Variants in GNPTAB observed in about 807,000 individuals in gnomAD.
GNPTAB encodes the protein N-acetylglucosamine-1-phosphotransferase subunits alpha/beta.
Under a neutral mutation model 136.6 loss-of-function variants are expected in GNPTAB, and 92 were observed. The observed-to-expected ratio is 0.67, with a 90% CI of 0.57 to 0.80. The LOEUF (loss-of-function observed/expected upper bound fraction) is 0.80, where lower values mean the gene tolerates loss of function less well. Ranked by LOEUF, GNPTAB falls within the 30% of genes least tolerant of loss-of-function variation. GNPTAB has a pLI of 0.00. For missense variants in GNPTAB, 1,343 were observed against 1,501.8 expected, an observed-to-expected ratio of 0.89 and a Z score of 1.75; for synonymous variants, 512 against 535.1, an observed-to-expected ratio of 0.96 and a Z score of 0.60.
chr12:101,800,978 A>G (rs2137164165), intron 1 of GNPTAB, among the ~76,000 whole-genome samples: 1 of 152,192 alleles, frequency 6.6e-6, no homozygotes, highest in South Asian at 2.1e-4. Context: ...TGACGCCTGT[A>G]AAGCCAGCAC....
At chr12:101,789,630 G>A (rs1206664386) in intron 3 of GNPTAB, among the ~76,000 whole-genome samples, 2 of 152,172 alleles carry the variant, frequency 1.3e-5, no homozygotes, top group African/African-American at 2.4e-5. Context: ...GATTGCAGGC[G>A]TGCACCATCA....
chr12:101,776,141 G>T (rs1177282271), intron 7 of GNPTAB, among the ~76,000 whole-genome samples: 1 of 152,158 alleles, frequency 6.6e-6, no homozygotes, highest in African/African-American at 2.4e-5. Context: ...TACTATAATT[G>T]AAGGAAACTT....
intron 2 of GNPTAB, chr12:101,796,471 A>T: frequency 1.6e-6 from 1 of 620,076 alleles, no homozygotes; most frequent in South Asian, 2.0e-5. Context: ...GGCCACACTA[A>T]TCTTCTCTGT....
At chr12:101,827,053 C>T (rs1161126600) in intron 1 of GNPTAB, among the ~76,000 whole-genome samples, 2 of 143,772 alleles carry the variant, frequency 1.4e-5, no homozygotes, top group East Asian at 4.4e-4. Flanking sequence ...GCTCAAGCAA[C>T]ACTCCTGCCA....
Position 101,796,290 on chromosome 12 carries a change from A to C in GNPTAB, c.203+387T>G, listed in dbSNP as rs1454810009. ...GGGGAGACAGAAAATGCAATCATGC[A>C]ATTTAAGGTACCCAATAAACTACAA... On this transcript the variant is annotated intron_variant, in intron 2 of 20. Coordinates refer to ENST00000299314, the MANE Select transcript of GNPTAB (RefSeq NM_024312.5). 10 of 702,564 alleles carry C rather than the reference A, an allele frequency of 1.4e-5. No individual in the cohort carries two copies. In the East Asian group the frequency reaches 2.1e-4, roughly 15 times the overall value. 43.5% of individuals were successfully genotyped at this position (702,564 alleles called of 1,614,324 possible).
chr12:101,771,773 T>C (rs144890868), intron 7 of GNPTAB, among the ~76,000 whole-genome samples: 1 of 152,372 alleles, frequency 6.6e-6, no homozygotes, highest in East Asian at 1.9e-4. Flanking sequence ...AACTGTTGTA[T>C]GAAATCTCCC....
intron 1 of GNPTAB, among the ~76,000 whole-genome samples, chr12:101,818,538 C>T (rs980215565): frequency 3.3e-5 from 5 of 151,914 alleles, no homozygotes; most frequent in South Asian, 2.1e-4. Flanking sequence ...ACACCACACC[C>T]GACTAATTTT....
intron 1 of GNPTAB, among the ~76,000 whole-genome samples, chr12:101,819,218 G>A (rs182053170): frequency 1.3e-5 from 2 of 152,096 alleles, no homozygotes; most frequent in East Asian, 3.9e-4. Context: ...CACCATGTTC[G>A]CCAGGCTCGT....
At chr12:101,812,862 T>C (rs1022202798) in intron 1 of GNPTAB, among the ~76,000 whole-genome samples, 4 of 152,190 alleles carry the variant, frequency 2.6e-5, no homozygotes, top group Non-Finnish European at 4.4e-5. Flanking sequence ...AGGAGCACAG[T>C]AGCACAATCT....
chr12:101,746,085 A>C lies in GNPTAB; in HGVS notation c.*1079T>G, dbSNP rs1427311933. On this transcript the variant is annotated 3_prime_UTR_variant, in exon 21 of 21. Transcript: ENST00000299314. ...ACTAATTCTCAGTGATTGGCAAATGATGGCCTGAGGGTCACATCTGGCTGG... is the reference window on the plus strand; with the variant it reads ...ACTAATTCTCAGTGATTGGCAAATGCTGGCCTGAGGGTCACATCTGGCTGG... 6.6e-6 allele frequency: 1 copy of C among 152,276 alleles called. No individual in the cohort carries two copies. Among genetic ancestry groups the C allele is most frequent in the Non-Finnish European group, 1.5e-5 (1 of 68,090 alleles). The allele number at this position is 152,276 out of a possible 1,614,324, so 9.4% of individuals were successfully genotyped here. A position where few individuals can be genotyped will look rare whatever the true frequency, so the allele number is the denominator to read the frequency against.
chr12:101,811,890 C>T (rs564701275), intron 1 of GNPTAB, among the ~76,000 whole-genome samples: 5 of 150,626 alleles, frequency 3.3e-5, no homozygotes, highest in African/African-American at 4.9e-5. Flanking sequence ...CTAACTGCCT[C>T]GGCCTCCCAA....
intron 1 of GNPTAB, among the ~76,000 whole-genome samples, chr12:101,799,770 C>T (rs1869505060): frequency 6.6e-6 from 1 of 151,760 alleles, no homozygotes; most frequent in Admixed American, 6.6e-5. Flanking sequence ...ATGCCCATGG[C>T]CACCCAGAAC....
chr12:101,803,324 T>A (rs568983886), intron 1 of GNPTAB, among the ~76,000 whole-genome samples: 1 of 152,224 alleles, frequency 6.6e-6, no homozygotes, highest in Non-Finnish European at 1.5e-5. Context: ...AAGCTTTATC[T>A]TTTCTACTAA....
At position 101,830,758 on chromosome 12, in the gene GNPTAB, G is replaced by T. The variant is rs1473846172; in HGVS notation, c.-83C>A. ...CCGCCTCAGCGAGCCGCCATTCAGG[G>T]GCCCCGGTCGGGCCGCCGCGCGCAG... On this transcript the variant is annotated 5_prime_UTR_variant, in exon 1 of 21. Coordinates refer to ENST00000299314, the MANE Select transcript of GNPTAB (RefSeq NM_024312.5). The T allele has an allele frequency of 2.5e-6, 2 of 814,066 alleles. No homozygotes were observed. The highest frequency in any genetic ancestry group is 2.6e-5 in the Admixed American group (1 of 38,102). 50.4% of individuals were successfully genotyped at this position (814,066 alleles called of 1,614,324 possible).
Position 101,829,918 on chromosome 12 carries a change from C to T in GNPTAB, c.117+641G>A, listed in dbSNP as rs1233607433. On this transcript the variant is annotated intron_variant, in intron 1 of 20. Transcript: ENST00000299314. ...TTCTCTTACGGAGCTTACAATCCAGCATGGGTAAAGACTTCAAGCAAATGT... is the reference window on the plus strand; with the variant it reads ...TTCTCTTACGGAGCTTACAATCCAGTATGGGTAAAGACTTCAAGCAAATGT... Among the ~76,000 whole-genome samples the T allele has an allele frequency of 2.1e-5, 3 of 145,466 alleles. No individual in the cohort carries two copies. In the Admixed American group the frequency reaches 2.1e-4, roughly 10 times the overall value.
chr12:101,770,748 T>C (rs1953159076), intron 8 of GNPTAB, among the ~76,000 whole-genome samples, 163 bp from the exon 9 acceptor site: 1 of 152,188 alleles, frequency 6.6e-6, no homozygotes, highest in Non-Finnish European at 1.5e-5. Flanking sequence ...AGATTCAGTA[T>C]ATATATTTTT....
chr12:101,801,445 C>T (rs1465841378), intron 1 of GNPTAB, among the ~76,000 whole-genome samples: 3 of 137,598 alleles, frequency 2.2e-5, no homozygotes, highest in Non-Finnish European at 4.6e-5. Flanking sequence ...GAGGCTGAAG[C>T]GGCAGAATCG....
chr12:101,785,830 T>C, intron 5 of GNPTAB, 182 bp downstream of exon 5: 1 of 599,584 alleles, frequency 1.7e-6, no homozygotes, highest in South Asian at 2.0e-5. Context: ...GTAAAATATA[T>C]GCAGCAATCC....
At chr12:101,766,421 T>C in intron 11 of GNPTAB, 127 bp from the exon 12 acceptor site, 1 of 798,564 alleles carries the variant, frequency 1.3e-6, no homozygotes, top group East Asian at 2.6e-5. Context: ...CTGGATCACC[T>C]GAGGTCAGGA....
Sources: allele counts gnomAD v4.1 joint callset (sites outside exome capture counted in the v4.1 genomes callset), GRCh38; gene constraint gnomAD v4.1.1; transcripts MANE v1.5; gene names NCBI Gene and HGNC (gene_info 2026-07-23, HGNC 2026-07-21).